The following ATP5PB variants were observed in gnomAD, a reference collection of about 807,000 sequenced individuals.
ATP5PB encodes ATP synthase peripheral stalk subunit b, mitochondrial.
Under a neutral mutation model 34.5 loss-of-function variants are expected in ATP5PB, and 21 were observed. That is an observed-to-expected ratio of 0.61 (90% CI 0.43 to 0.88). The LOEUF (loss-of-function observed/expected upper bound fraction) is 0.88. ATP5PB is among the 40% of genes least tolerant of loss of function. ATP5PB has a pLI of 0.00. For missense variants in ATP5PB, 293 were observed against 317.4 expected, an observed-to-expected ratio of 0.92 and a Z score of 0.58; for synonymous variants, 108 against 114.1, an observed-to-expected ratio of 0.95 and a Z score of 0.34.
chr1:111,461,001 C>G lies in ATP5PB; in HGVS notation c.*7C>G. On this transcript the variant is annotated 3_prime_UTR_variant, in exon 7 of 7. Coordinates refer to ENST00000369722, the MANE Select transcript of ATP5PB (RefSeq NM_001688.5). The stretch of plus-strand genomic sequence containing the variant: ...AGCACAGCCAGTTATGTAAATGTAT[C>G]TATCCCAATTGAGACAGCTAGAAAC... The G allele has an allele frequency of 6.2e-7, 1 of 1,610,878 alleles. No homozygotes were observed. The highest frequency in any genetic ancestry group is 8.5e-7 in the Non-Finnish European group (1 of 1,178,800).
chr1:111,449,783 A>G (rs551634106), intron 1 of ATP5PB, 54 bp from the exon 2 acceptor site: 4 of 1,613,352 alleles, frequency 2.5e-6, no homozygotes, highest in South Asian at 1.1e-5. Flanking sequence ...GGGTAAGGAA[A>G]GGGCAAACCA....
chr1:111,454,942 G>A (rs1653431081), intron 3 of ATP5PB, among the ~76,000 whole-genome samples: 1 of 152,278 alleles, frequency 6.6e-6, no homozygotes, highest in East Asian at 1.9e-4. Context: ...AGTGCCTGCT[G>A]TCCTGGAACA....
At chr1:111,454,743 C>T (rs554706309) in intron 3 of ATP5PB, among the ~76,000 whole-genome samples, 4 of 152,216 alleles carry the variant, frequency 2.6e-5, no homozygotes, top group South Asian at 4.2e-4. Flanking sequence ...CGCCTGCAGC[C>T]GCAAGTCAGC....
chr1:111,449,691 G>T (rs548855567), intron 1 of ATP5PB, 110 bp downstream of exon 1: 7 of 1,544,824 alleles, frequency 4.5e-6, no homozygotes, highest in East Asian at 2.2e-5. Context: ...AGAGGCGAGT[G>T]GTCAGTGCAG....
chr1:111,455,708 A>G (rs1328821479), intron 3 of ATP5PB, among the ~76,000 whole-genome samples: 1 of 152,202 alleles, frequency 6.6e-6, no homozygotes, highest in Non-Finnish European at 1.5e-5. Context: ...ATTTTGCTGG[A>G]CAAATTACTT....
At position 111,460,989 on chromosome 1, in the gene ATP5PB, A is replaced by G; in HGVS notation, c.766A>G (p.Met256Val). 4 of 1,612,002 alleles carry G rather than the reference A, an allele frequency of 2.5e-6. No homozygotes were observed. The highest frequency in any genetic ancestry group is 3.4e-6 in the Non-Finnish European group (4 of 1,179,536). ...AAAGAAGGCTCAAGCACAGCCAGTT[A>G]TGTAAATGTATCTATCCCAATTGAG... Reference protein sequence around the residue: ...LAKKAQAQPVM With the variant: ...LAKKAQAQPVV Residue 256 changes from methionine to valine, a missense_variant, in exon 7 of 7, where the codon ATG becomes GTG. By Grantham distance (21) the Met-to-Val change is conservative. Coordinates refer to ENST00000369722, the MANE Select transcript of ATP5PB (RefSeq NM_001688.5).
In ATP5PB at chr1:111,461,997, G is replaced by A. The variant is rs1278355795; in HGVS notation, c.*1003G>A. 1 of 152,014 alleles carries A rather than the reference G, an allele frequency of 6.6e-6. No homozygotes were observed. Among genetic ancestry groups the A allele is most frequent in the Non-Finnish European group, 1.5e-5 (1 of 68,022 alleles). 9.4% of individuals were successfully genotyped at this position (152,014 alleles called of 1,614,324 possible). A position where few individuals can be genotyped will look rare whatever the true frequency, so the allele number is the denominator to read the frequency against. On this transcript the variant is annotated 3_prime_UTR_variant, in exon 7 of 7. Coordinates refer to ENST00000369722, the MANE Select transcript of ATP5PB (RefSeq NM_001688.5). ...GGAGAAGTTGGAACACTTGTGCACT[G>A]TTCGTAGAAATATGAAATGGTACAG...
intron 4 of ATP5PB, 144 bp downstream of exon 4, chr1:111,456,393 T>G: frequency 9.0e-7 from 1 of 1,107,412 alleles, no homozygotes; most frequent in Non-Finnish European, 1.2e-6. Flanking sequence ...AGTTACTAAT[T>G]TGAGATAATT....
chr1:111,454,243 G>A lies in ATP5PB; in HGVS notation c.110G>A (p.Gly37Glu), dbSNP rs1410372152. 1.1e-5 allele frequency: 18 copies of A among 1,609,258 alleles called. No individual in the cohort carries two copies. Among genetic ancestry groups the A allele is most frequent in the Non-Finnish European group, 1.5e-5 (18 of 1,178,526 alleles). The change falls in exon 3 of 7, where the codon GGG (glycine) becomes GAG (glutamate). Residue 37 changes from glycine to glutamate, a missense_variant. Transcript: ENST00000369722. ...CAGGCAACAAGGACCTTTCATACAG[G>A]GCAGCCACACCTTGTCCCTGTACCA... ...VLQATRTFHTGQPHLVPVPPL... is the reference protein window; with the variant it reads ...VLQATRTFHTEQPHLVPVPPL...
intron 2 of ATP5PB, 92 bp downstream of exon 2, chr1:111,449,965 A>T: frequency 6.5e-7 from 1 of 1,544,712 alleles, no homozygotes; most frequent in Non-Finnish European, 8.9e-7. Flanking sequence ...TTAGGTCAGA[A>T]ATTTCTTTCC....
chr1:111,453,149 A>G (rs998449699), intron 2 of ATP5PB, among the ~76,000 whole-genome samples: 1 of 152,186 alleles, frequency 6.6e-6, no homozygotes, highest in African/African-American at 2.4e-5. Flanking sequence ...CTTGAAGGAG[A>G]CTAAATGACA....
chr1:111,458,835 C>T (rs1271024511), intron 5 of ATP5PB, among the ~76,000 whole-genome samples: 2 of 152,120 alleles, frequency 1.3e-5, no homozygotes, highest in African/African-American at 4.8e-5. Context: ...AGCTCTGTAA[C>T]CTTGGGCAAG....
chr1:111,454,489 C>T (rs1386890206), intron 3 of ATP5PB, 133 bp downstream of exon 3: 1 of 1,172,114 alleles, frequency 8.5e-7, no homozygotes, highest in African/African-American at 1.6e-5. Flanking sequence ...CAGGGTATTA[C>T]TCTATCACCC....
intron 2 of ATP5PB, among the ~76,000 whole-genome samples, chr1:111,450,809 G>T (rs956557918): frequency 6.6e-6 from 1 of 152,148 alleles, no homozygotes; most frequent in Admixed American, 6.5e-5. Context: ...ATAATTGACT[G>T]CTTCCAACTT....
chr1:111,452,610 ATTG>A (rs1653365120), intron 2 of ATP5PB, among the ~76,000 whole-genome samples: 2 of 152,194 alleles, frequency 1.3e-5, no homozygotes, highest in African/African-American at 4.8e-5. Context: ...CAGGTTTTGT[ATTG>A]TTAAACTAAG....
At chr1:111,452,409 A>T (rs1048892056) in intron 2 of ATP5PB, among the ~76,000 whole-genome samples, 1 of 152,160 alleles carries the variant, frequency 6.6e-6, no homozygotes, top group Non-Finnish European at 1.5e-5. Flanking sequence ...AAATAAAAAA[A>T]AAAAATAGCT....
rs1225150614 is a variant in ATP5PB at position 111,449,859 on chromosome 1, C to T, written c.63C>T (p.Ala21=). The T allele has an allele frequency of 2.5e-6, 4 of 1,614,182 alleles. No homozygotes were observed. Among genetic ancestry groups the T allele is most frequent in the Middle Eastern group, 1.6e-4 (1 of 6,062 alleles). Residue 21 remains alanine (A), a synonymous_variant, in exon 2 of 7, where the codon GCC becomes GCT. Coordinates refer to ENST00000369722, the MANE Select transcript of ATP5PB (RefSeq NM_001688.5). The part of the protein sequence containing the change: ...ATAAPSLKNA[A]FLGPGVLQAT... Reference sequence around the variant, plus strand: ...CAGCCCCCTCTCTGAAGAATGCAGCCTTCCTAGGTCCAGGGTAAGTGTGAG... The same window carrying T: ...CAGCCCCCTCTCTGAAGAATGCAGCTTTCCTAGGTCCAGGGTAAGTGTGAG...
rs1653649446 is a variant in ATP5PB, at chr1:111,462,452, A to T, written c.*1458A>T. 6.6e-6 allele frequency: 1 copy of T among 152,192 alleles called. No individual in the cohort carries two copies. Among genetic ancestry groups the T allele is most frequent in the Non-Finnish European group, 1.5e-5 (1 of 68,042 alleles). 9.4% of individuals were successfully genotyped at this position (152,192 alleles called of 1,614,324 possible). A position where few individuals can be genotyped will look rare whatever the true frequency, so the allele number is the denominator to read the frequency against. ...ATGTGTATTTTACAATCTTTTTTTAAATTGAAGAAAAATCCTGTAGATAAA... is the reference window on the plus strand; with the variant it reads ...ATGTGTATTTTACAATCTTTTTTTATATTGAAGAAAAATCCTGTAGATAAA... On this transcript the variant is annotated 3_prime_UTR_variant, in exon 7 of 7. Coordinates refer to ENST00000369722, the MANE Select transcript of ATP5PB (RefSeq NM_001688.5).
intron 6 of ATP5PB, among the ~76,000 whole-genome samples, chr1:111,460,239 T>C (rs1285851296): frequency 6.6e-6 from 1 of 152,222 alleles, no homozygotes; most frequent in Non-Finnish European, 1.5e-5. Context: ...TTCCATTTCT[T>C]CTTTTCACCT....
Sources: gnomAD v4.1 joint callset for allele counts (sites outside exome capture counted in the v4.1 genomes callset) on GRCh38, gnomAD v4.1.1 for gene constraint, MANE v1.5 for transcripts, NCBI Gene and HGNC (gene_info 2026-07-23, HGNC 2026-07-21) for gene names.